The following SAMMSON variants were observed in gnomAD, a reference collection of about 807,000 sequenced individuals.
SAMMSON encodes the protein long intergenic non-protein coding RNA 1212.
chr3:70,380,550 T>G (rs1485707607), intron 9 of SAMMSON, among the ~76,000 whole-genome samples: 2 of 152,198 alleles, frequency 1.3e-5, no homozygotes, highest in Admixed American at 1.3e-4. Flanking sequence ...TTTTTTTATT[T>G]TTTAATTATA....
chr3:70,003,354 C>T (rs2066913597), intron 1 of SAMMSON, among the ~76,000 whole-genome samples: 1 of 151,896 alleles, frequency 6.6e-6, no homozygotes, highest in African/African-American at 2.4e-5. Flanking sequence ...TGATATATTA[C>T]AGAGTGTCTC....
chr3:70,070,964 C>G, intron 3 of SAMMSON, among the ~76,000 whole-genome samples: 1 of 151,884 alleles, frequency 6.6e-6, no homozygotes, highest in East Asian at 1.9e-4. Context: ...GAAAACATAC[C>G]CTCTAGTCAA....
intron 3 of SAMMSON, among the ~76,000 whole-genome samples, chr3:70,023,494 T>C (rs2067024402): frequency 6.6e-6 from 1 of 152,038 alleles, no homozygotes; most frequent in Non-Finnish European, 1.5e-5. Context: ...TTCTTTATAT[T>C]CTTTATTTAT....
chr3:70,280,706 C>T (rs920911506), intron 6 of SAMMSON, among the ~76,000 whole-genome samples: 1 of 152,144 alleles, frequency 6.6e-6, no homozygotes, highest in South Asian at 2.1e-4. Flanking sequence ...GTCTCCAAAG[C>T]CAGCCATAAA....
chr3:70,352,940 C>G (rs1702803450), intron 7 of SAMMSON, among the ~76,000 whole-genome samples: 3 of 151,950 alleles, frequency 2.0e-5, no homozygotes, highest in Non-Finnish European at 4.4e-5. Context: ...ATATACGTAA[C>G]TGACTTTTGA....
intron 9 of SAMMSON, among the ~76,000 whole-genome samples, chr3:70,385,706 C>A (rs1703118034): frequency 6.6e-6 from 1 of 151,986 alleles, no homozygotes; most frequent in African/African-American, 2.4e-5. Context: ...GACTCAGAGT[C>A]CCTTCATAAT....
chr3:70,266,521 A>G (rs1159568200), intron 6 of SAMMSON, among the ~76,000 whole-genome samples: 1 of 152,080 alleles, frequency 6.6e-6, no homozygotes, highest in Non-Finnish European at 1.5e-5. Flanking sequence ...CCTAGGCTCA[A>G]GTGATCCAGA....
chr3:70,019,566 C>G (rs1194706715), intron 3 of SAMMSON, among the ~76,000 whole-genome samples: 1 of 152,132 alleles, frequency 6.6e-6, no homozygotes, highest in African/African-American at 2.4e-5. Context: ...TTAATTGGAG[C>G]ATTTAGCCCA....
intron 6 of SAMMSON, among the ~76,000 whole-genome samples, chr3:70,281,350 A>C (rs1702080531): frequency 6.6e-6 from 1 of 152,120 alleles, no homozygotes; most frequent in Non-Finnish European, 1.5e-5. Context: ...TCTCAACTTC[A>C]TTATTTGACT....
chr3:70,345,237 A>G (rs1360494808), intron 7 of SAMMSON, among the ~76,000 whole-genome samples: 1 of 152,022 alleles, frequency 6.6e-6, no homozygotes, highest in East Asian at 1.9e-4. Flanking sequence ...TCATTTTTCC[A>G]TTCCTGTGTA....
intron 4 of SAMMSON, among the ~76,000 whole-genome samples, chr3:70,187,972 T>C (rs1325235585): frequency 1.3e-5 from 2 of 152,138 alleles, no homozygotes; most frequent in Non-Finnish European, 2.9e-5. Context: ...CACTTGGACA[T>C]ACCTCCCACC....
chr3:70,005,292 A>C (rs1396029647), intron 1 of SAMMSON, among the ~76,000 whole-genome samples: 1 of 143,872 alleles, frequency 7.0e-6, no homozygotes, highest in East Asian at 2.3e-4. Flanking sequence ...ATAATAATTT[A>C]TTATTATTCA....
At chr3:70,322,929 A>G (rs904499453) in intron 7 of SAMMSON, among the ~76,000 whole-genome samples, 4 of 152,134 alleles carry the variant, frequency 2.6e-5, no homozygotes. Context: ...TGTTAATGTT[A>G]TACAAATTCT....
intron 7 of SAMMSON, among the ~76,000 whole-genome samples, chr3:70,334,145 T>C (rs1323712264): frequency 6.6e-6 from 1 of 152,208 alleles, no homozygotes; most frequent in Non-Finnish European, 1.5e-5. Flanking sequence ...TGTTAAGGAA[T>C]CATAGTTGAA....
intron 4 of SAMMSON, among the ~76,000 whole-genome samples, chr3:70,241,137 G>A (rs1182801259): frequency 6.6e-6 from 1 of 152,088 alleles, no homozygotes; most frequent in African/African-American, 2.4e-5. Context: ...TGACATACGG[G>A]CTGATAAATT....
At chr3:70,214,901 GT>G (rs1701391138) in intron 4 of SAMMSON, among the ~76,000 whole-genome samples, 1 of 152,024 alleles carries the variant, frequency 6.6e-6, no homozygotes, top group East Asian at 1.9e-4. Flanking sequence ...ATAGTTAGCA[GT>G]TTTTATAGTT....
chr3:70,028,152 TTCCTTC>T, intron 3 of SAMMSON, among the ~76,000 whole-genome samples: 1 of 42,972 alleles, frequency 2.3e-5, no homozygotes, highest in East Asian at 4.2e-4. Context: ...CTTTCCTTCC[TTCCTTC>T]CTTCCTTCCT....
At chr3:70,149,908 C>G (rs1056685360) in intron 4 of SAMMSON, among the ~76,000 whole-genome samples, 1 of 152,066 alleles carries the variant, frequency 6.6e-6, no homozygotes, top group East Asian at 1.9e-4. Context: ...TACTCTTCAG[C>G]TCTTATGTGA....
In SAMMSON at chr3:70,130,172, T is replaced by C. The variant is rs185829056; in HGVS notation, n.507+58607T>C. Among the ~76,000 whole-genome samples, 753 of 152,280 alleles carry C rather than the reference T, an allele frequency of 4.9e-3. 2 individuals carry two copies. The highest frequency in any genetic ancestry group is 0.017 in the Middle Eastern group (5 of 294). On this transcript the variant is annotated intron_variant and non_coding_transcript_variant, in intron 4 of 9. Coordinates refer to ENST00000642114, the Ensembl canonical transcript of SAMMSON. ...CATTGAATGTTGAATGTTTCTGGAATAGATAAATTGTCTCATTGATTAACA... is the reference window on the plus strand; with the variant it reads ...CATTGAATGTTGAATGTTTCTGGAACAGATAAATTGTCTCATTGATTAACA...
Sources: allele counts gnomAD v4.1 joint callset (sites outside exome capture counted in the v4.1 genomes callset), GRCh38; gene constraint gnomAD v4.1.1; transcripts MANE v1.5; gene names NCBI Gene and HGNC (gene_info 2026-07-23, HGNC 2026-07-21).